The following DLG1 variants were observed in gnomAD, a reference collection of about 807,000 sequenced individuals.
DLG1 encodes the protein disks large homolog 1.
DLG1 carries 42 observed loss-of-function variants against 123.4 expected under a neutral mutation model. The ratio of observed to expected loss-of-function variants is 0.34; its 90% CI spans 0.27 to 0.44. The LOEUF (loss-of-function observed/expected upper bound fraction) is 0.44, where lower values mean the gene tolerates loss of function less well. DLG1 is among the 20% of genes least tolerant of loss of function. DLG1 has a pLI of 1.00. For synonymous variants in DLG1, 317 were observed against 356.2 expected (o/e 0.89, Z 1.24); for missense variants, 942 against 1,082.6 (o/e 0.87, Z 1.82).
intron 16 of DLG1, among the ~76,000 whole-genome samples, chr3:197,081,558 T>C (rs1293072396): frequency 1.3e-5 from 2 of 152,240 alleles, no homozygotes; most frequent in African/African-American, 4.8e-5. Context: ...TCACTGTATA[T>C]TGCCGTTTTT....
At chr3:197,053,285 G>A (rs1014973832) in intron 23 of DLG1, among the ~76,000 whole-genome samples, 2 of 152,190 alleles carry the variant, frequency 1.3e-5, no homozygotes, top group African/African-American at 2.4e-5. Context: ...AAAATTCTCT[G>A]CAGCATTTCT....
At position 197,252,835 on chromosome 3, in the gene DLG1, C is replaced by T. The variant is rs75689811; in HGVS notation, c.318+29844G>A. 1.3e-4 allele frequency among the ~76,000 whole-genome samples: 20 copies of T among 152,230 alleles called. No individual in the cohort carries two copies. In the East Asian group the frequency reaches 3.9e-3, roughly 29 times the overall value. Reference sequence around the variant, plus strand: ...GTATTTAATACCATTTTACTATACACTTTAAAATGGTTAGAATAATCGTCC... The same window carrying T: ...GTATTTAATACCATTTTACTATACATTTTAAAATGGTTAGAATAATCGTCC... On this transcript the variant is annotated intron_variant, in intron 4 of 24. Coordinates refer to ENST00000667157, the MANE Select transcript of DLG1 (RefSeq NM_001366207.1).
At chr3:197,242,656 G>A (rs1749555261) in intron 4 of DLG1, among the ~76,000 whole-genome samples, 1 of 151,904 alleles carries the variant, frequency 6.6e-6, no homozygotes, top group Non-Finnish European at 1.5e-5. Context: ...AAAAACGTAT[G>A]GAAATTAGAC....
chr3:197,116,205 T>C (rs1245683516), intron 12 of DLG1, 122 bp from the exon 13 acceptor site: 1 of 729,014 alleles, frequency 1.4e-6, no homozygotes, highest in East Asian at 3.0e-5. Flanking sequence ...AGACAAAATA[T>C]AAATGGTTTT....
intron 5 of DLG1, among the ~76,000 whole-genome samples, chr3:197,155,531 T>C (rs981578801): frequency 1.3e-5 from 2 of 151,946 alleles, no homozygotes; most frequent in African/African-American, 4.8e-5. Flanking sequence ...ACATAGGTAA[T>C]AATAAACACT....
intron 23 of DLG1, among the ~76,000 whole-genome samples, chr3:197,058,385 T>C (rs1180917966): frequency 6.7e-6 from 1 of 148,656 alleles, no homozygotes; most frequent in Non-Finnish European, 1.5e-5. Flanking sequence ...CAAAGCTGTG[T>C]GTATTCCTTC....
chr3:197,209,991 A>C (rs1730484225), intron 4 of DLG1, among the ~76,000 whole-genome samples: 1 of 146,266 alleles, frequency 6.8e-6, no homozygotes, highest in African/African-American at 2.4e-5. Flanking sequence ...GAAACTCCTC[A>C]TTTGGAAATT....
chr3:197,217,358 A>T (rs1398050037), intron 4 of DLG1, among the ~76,000 whole-genome samples: 2 of 152,258 alleles, frequency 1.3e-5, no homozygotes, highest in Non-Finnish European at 2.9e-5. Context: ...ATCAAGAACA[A>T]TGAATGTCCT....
intron 1 of DLG1, 54 bp downstream of exon 1, chr3:197,298,482 G>A: frequency 2.5e-6 from 1 of 398,386 alleles, no homozygotes; most frequent in Non-Finnish European, 4.4e-6. Flanking sequence ...GGAAGGCTCG[G>A]GCTGTCTGAA....
At chr3:197,280,323 A>C (rs546468899) in intron 4 of DLG1, among the ~76,000 whole-genome samples, 2 of 143,768 alleles carry the variant, frequency 1.4e-5, no homozygotes, top group Admixed American at 7.2e-5. Context: ...TTTATGGCTG[A>C]ATAGTAGTCC....
At chr3:197,129,498 C>T (rs1465150399) in intron 11 of DLG1, among the ~76,000 whole-genome samples, 1 of 152,236 alleles carries the variant, frequency 6.6e-6, no homozygotes, top group Non-Finnish European at 1.5e-5. Context: ...TTGTCCACAA[C>T]AGCAATCAGA....
chr3:197,065,580 T>C lies in DLG1; in HGVS notation c.2200+128A>G, dbSNP rs963960172. On this transcript the variant is annotated intron_variant, in intron 21 of 24. Coordinates refer to ENST00000667157, the MANE Select transcript of DLG1 (RefSeq NM_001366207.1). ...TTAAATCTGAGAAAGGACAATAATA[T>C]GGAGGATGGAAGAGTAACTGATAAA... 25 of 1,006,458 alleles carry C rather than the reference T, an allele frequency of 2.5e-5. No individual in the cohort carries two copies. In the African/African-American group the frequency reaches 2.9e-4, roughly 12 times the overall value. The allele number at this position is 1,006,458 out of a possible 1,614,324, so 62.3% of individuals were successfully genotyped here.
At chr3:197,121,153 C>A (rs1776154930) in intron 11 of DLG1, among the ~76,000 whole-genome samples, 1 of 152,122 alleles carries the variant, frequency 6.6e-6, no homozygotes, top group Non-Finnish European at 1.5e-5. Flanking sequence ...CAGACTATCC[C>A]TTTAGTCAAT....
At chr3:197,157,413 TTC>T (rs1796845023) in intron 5 of DLG1, among the ~76,000 whole-genome samples, 1 of 152,178 alleles carries the variant, frequency 6.6e-6, no homozygotes, top group Admixed American at 6.5e-5. Context: ...AAGAAAACAA[TTC>T]TGTTTATTAT....
rs754600667 is a variant in DLG1, at chr3:197,045,312, T to TAACA, written c.2576-587_2576-584dup. 5.9e-5 allele frequency among the ~76,000 whole-genome samples: 9 copies of TAACA among 152,346 alleles called. No homozygotes were observed. The East Asian group carries it at 7.7e-4, about 13-fold the overall frequency. ...GTGTGAAAAAAAGAGTAACAATTAC[T>TAACA]AACAACTAATTCTTTGGGAATAGCT... is the stretch of plus-strand genomic sequence containing the variant. On this transcript the variant is annotated intron_variant, in intron 24 of 24. Transcript: ENST00000667157.
chr3:197,224,703 G>A (rs1027096450), intron 4 of DLG1, among the ~76,000 whole-genome samples: 1 of 151,960 alleles, frequency 6.6e-6, no homozygotes, highest in Non-Finnish European at 1.5e-5. Context: ...ACAAAACAAA[G>A]AACTTAATGT....
At chr3:197,260,861 T>C (rs1395513626) in intron 4 of DLG1, among the ~76,000 whole-genome samples, 2 of 150,018 alleles carry the variant, frequency 1.3e-5, no homozygotes, top group African/African-American at 4.9e-5. Context: ...AATGACTTTC[T>C]CGAGCAGTAA....
At position 197,270,734 on chromosome 3, in the gene DLG1, A is replaced by C. The variant is rs552478369; in HGVS notation, c.318+11945T>G. On this transcript the variant is annotated intron_variant, in intron 4 of 24. Transcript: ENST00000667157. ...GGAAGATCTGGAGGTCCCCACCTTT[A>C]CGCAATCCAACTCAGCACCACAAGA... is the stretch of plus-strand genomic sequence containing the variant. 2.0e-5 allele frequency among the ~76,000 whole-genome samples: 3 copies of C among 152,266 alleles called. No individual in the cohort carries two copies. In the East Asian group the frequency reaches 5.8e-4, roughly 29 times the overall value.
intron 13 of DLG1, among the ~76,000 whole-genome samples, chr3:197,108,924 TTCTC>T: frequency 6.6e-6 from 1 of 152,250 alleles, no homozygotes; most frequent in Non-Finnish European, 1.5e-5. Flanking sequence ...TGTCTTTTCT[TTCTC>T]TATTCCTCAA....
Sources: gnomAD v4.1 joint callset for allele counts (sites outside exome capture counted in the v4.1 genomes callset) on GRCh38, gnomAD v4.1.1 for gene constraint, MANE v1.5 for transcripts, NCBI Gene and HGNC (gene_info 2026-07-23, HGNC 2026-07-21) for gene names.